The following CHRNB3 variants were observed in gnomAD, a reference collection of about 807,000 sequenced individuals.
CHRNB3 encodes cholinergic receptor nicotinic beta 3 subunit.
Under a neutral mutation model 40.6 loss-of-function variants are expected in CHRNB3, and 37 were observed. The observed-to-expected ratio is 0.91, with a 90% confidence interval of 0.70 to 1.20. The LOEUF (loss-of-function observed/expected upper bound fraction) is 1.20, where lower values mean the gene tolerates loss of function less well. Ranked by LOEUF, CHRNB3 falls within the 50% of genes most tolerant of loss-of-function variation. The pLI is 0.00. For missense variants in CHRNB3, 505 were observed against 551.2 expected, an observed-to-expected ratio of 0.92 and a Z score of 0.84; for synonymous variants, 207 against 207.1, an observed-to-expected ratio of 1.00 and a Z score of 0.00.
At position 42,736,630 on chromosome 8, in the gene CHRNB3, A is replaced by C. The variant is rs750068233; in HGVS notation, c.*12A>C. On this transcript the variant is annotated 3_prime_UTR_variant, in exon 6 of 6. Coordinates refer to ENST00000289957, the MANE Select transcript of CHRNB3 (RefSeq NM_000749.5). Reference sequence around the variant, plus strand: ...ATAGTTACCATTAGGAATTTAAAAGACATAAGACTAAATTACACCTTAGAC... The same window carrying C: ...ATAGTTACCATTAGGAATTTAAAAGCCATAAGACTAAATTACACCTTAGAC... 6.2e-7 allele frequency: 1 copy of C among 1,614,132 alleles called. No homozygotes were observed. The highest frequency in any genetic ancestry group is 1.1e-5 in the South Asian group (1 of 91,054).
intron 3 of CHRNB3, among the ~76,000 whole-genome samples, chr8:42,727,967 T>A (rs562433494): frequency 7.9e-5 from 12 of 152,210 alleles, no homozygotes; most frequent in African/African-American, 2.9e-4. Context: ...ACACAATCCA[T>A]AAACAATAAA....
chr8:42,724,674 C>A (rs1816274857), intron 3 of CHRNB3, among the ~76,000 whole-genome samples: 1 of 151,928 alleles, frequency 6.6e-6, no homozygotes, highest in Non-Finnish European at 1.5e-5. Context: ...GAGGCGGCAG[C>A]CAATGTAGAA....
intron 3 of CHRNB3, among the ~76,000 whole-genome samples, chr8:42,729,626 GCTGACTC>G (rs1816368875): frequency 6.6e-6 from 1 of 152,012 alleles, no homozygotes; most frequent in South Asian, 2.1e-4. Context: ...TCATCCATCT[GCTGACTC>G]CTGATGTTTT....
At chr8:42,697,901 G>A (rs1296960428) in intron 1 of CHRNB3, among the ~76,000 whole-genome samples, 1 of 152,146 alleles carries the variant, frequency 6.6e-6, no homozygotes, top group Non-Finnish European at 1.5e-5. Flanking sequence ...TGAATGCACT[G>A]AGCATTACTC....
intron 4 of CHRNB3, among the ~76,000 whole-genome samples, 164 bp downstream of exon 4, chr8:42,730,867 T>C (rs1816401672): frequency 7.4e-6 from 1 of 134,316 alleles, no homozygotes; most frequent in Non-Finnish European, 1.6e-5. Flanking sequence ...GCTAACAAGG[T>C]GAAACCCCGT....
intron 3 of CHRNB3, among the ~76,000 whole-genome samples, chr8:42,719,368 G>A (rs892261883): frequency 2.6e-5 from 4 of 152,170 alleles, no homozygotes; most frequent in Non-Finnish European, 5.9e-5. Context: ...GGGTGGGCTG[G>A]GCATGGTGGC....
chr8:42,722,610 G>A (rs892769384), intron 3 of CHRNB3, among the ~76,000 whole-genome samples: 1 of 152,094 alleles, frequency 6.6e-6, no homozygotes, highest in Admixed American at 6.5e-5. Context: ...CTCCAAGGCT[G>A]GAATGCAGTG....
chr8:42,730,229 T>C (rs934385018), intron 3 of CHRNB3, among the ~76,000 whole-genome samples: 4 of 152,174 alleles, frequency 2.6e-5, no homozygotes, highest in Non-Finnish European at 4.4e-5. Context: ...GGACCCACCC[T>C]CCTAGAATAA....
intron 5 of CHRNB3, among the ~76,000 whole-genome samples, chr8:42,733,736 G>A (rs540179977): frequency 7.2e-4 from 109 of 151,162 alleles, no homozygotes; most frequent in African/African-American, 2.4e-3. Context: ...GGGACTACAG[G>A]TACACACCAC....
At chr8:42,729,084 G>T (rs1816356371) in intron 3 of CHRNB3, among the ~76,000 whole-genome samples, 1 of 152,098 alleles carries the variant, frequency 6.6e-6, no homozygotes, top group Non-Finnish European at 1.5e-5. Context: ...CTCTTAAATT[G>T]TCAGTTTCAT....
chr8:42,724,074 G>A (rs928772728), intron 3 of CHRNB3, among the ~76,000 whole-genome samples: 21 of 151,226 alleles, frequency 1.4e-4, no homozygotes, highest in African/African-American at 4.1e-4. Context: ...CAACAAGAGC[G>A]AAACTCCATC....
intron 3 of CHRNB3, among the ~76,000 whole-genome samples, chr8:42,730,011 T>C (rs1030397200): frequency 2.4e-4 from 37 of 152,302 alleles, no homozygotes; most frequent in African/African-American, 8.7e-4. Context: ...AAAATTATAA[T>C]TGGGAGCTCC....
chr8:42,730,862 C>A (rs1816401524), intron 4 of CHRNB3, among the ~76,000 whole-genome samples, 159 bp downstream of exon 4: 1 of 136,472 alleles, frequency 7.3e-6, no homozygotes, highest in African/African-American at 2.9e-5. Flanking sequence ...TCCTGGCTAA[C>A]AAGGTGAAAC....
intron 4 of CHRNB3, among the ~76,000 whole-genome samples, chr8:42,731,114 AAAGT>A (rs961910573): frequency 2.6e-5 from 4 of 151,980 alleles, no homozygotes; most frequent in African/African-American, 9.7e-5. Flanking sequence ...GAAAAAAAGG[AAAGT>A]AAGTATCACA....
chr8:42,717,564 T>C (rs1325360674), intron 3 of CHRNB3, among the ~76,000 whole-genome samples: 1 of 151,240 alleles, frequency 6.6e-6, no homozygotes. Flanking sequence ...AACCTTACTC[T>C]GACCTTAGCA....
intron 3 of CHRNB3, among the ~76,000 whole-genome samples, chr8:42,712,281 C>A (rs1270421770): frequency 6.6e-6 from 1 of 152,188 alleles, no homozygotes; most frequent in African/African-American, 2.4e-5. Context: ...GTGTGAGCCA[C>A]CGCACCCACC....
chr8:42,725,734 G>A, intron 3 of CHRNB3: 1 of 920,480 alleles, frequency 1.1e-6, no homozygotes, highest in East Asian at 2.4e-5. Context: ...GTCTGTCAGA[G>A]GGATGGTCTT....
Position 42,730,673 on chromosome 8 carries a change from T to C in CHRNB3, c.329T>C (p.Leu110Pro), listed in dbSNP as rs762201079. ...TCCATTAAAGTTCCATCAGAATCTC[T>C]GTGGCTTCCTGACATAGTTCTCTTT... ...IHSIKVPSES[L>P]WLPDIVLFEN... The change falls in exon 4 of 6, where the codon CTG becomes CCG. Residue 110 changes from leucine (L) to proline (P), a missense_variant. Physicochemically the swap from Leu to Pro is moderately conservative, Grantham distance 98. Transcript: ENST00000289957. The C allele has an allele frequency of 1.2e-6, 2 of 1,605,558 alleles. No homozygotes were observed. Among genetic ancestry groups the C allele is most frequent in the South Asian group, 1.1e-5 (1 of 90,466 alleles).
In CHRNB3 at chr8:42,736,520, G is replaced by C; in HGVS notation, c.1279G>C (p.Asp427His). 1 of 1,614,154 alleles carries C rather than the reference G, an allele frequency of 6.2e-7. No individual in the cohort carries two copies. The highest frequency in any genetic ancestry group is 8.5e-7 in the Non-Finnish European group (1 of 1,180,036). ...CTGGAAATTTGTAGCTCAAGTTCTT[G>C]ACCGAATCTTCCTGTGGCTCTTTCT... Reference protein sequence around the residue: ...QDWKFVAQVLDRIFLWLFLIV... With the variant: ...QDWKFVAQVLHRIFLWLFLIV... Residue 427 changes from aspartate (D) to histidine (H), a missense_variant, in exon 6 of 6, where the codon GAC becomes CAC. By Grantham distance (81) the Asp-to-His change is moderately conservative. Coordinates refer to ENST00000289957, the MANE Select transcript of CHRNB3 (RefSeq NM_000749.5).
Sources: allele counts gnomAD v4.1 joint callset (sites outside exome capture counted in the v4.1 genomes callset), GRCh38; gene constraint gnomAD v4.1.1; transcripts MANE v1.5; gene names NCBI Gene and HGNC (gene_info 2026-07-23, HGNC 2026-07-21).